The following ZNF609 variants were observed in gnomAD, a reference collection of about 807,000 sequenced individuals.
ZNF609 encodes zinc finger protein 609.
In ZNF609, 11 loss-of-function variants were observed where a neutral mutation model predicts 109.5. The observed-to-expected ratio is 0.10, with a 90% confidence interval of 0.06 to 0.17. The LOEUF (loss-of-function observed/expected upper bound fraction) is 0.17, where lower values mean the gene tolerates loss of function less well. ZNF609 is among the 10% of genes least tolerant of loss of function. ZNF609 has a pLI of 1.00. For missense variants in ZNF609, 1,559 were observed against 1,772.4 expected (o/e 0.88, Z 2.16); for synonymous variants, 646 against 662.0 (o/e 0.98, Z 0.37).
chr15:64,576,405 A>T (rs1194512533), intron 2 of ZNF609, among the ~76,000 whole-genome samples: 1 of 151,986 alleles, frequency 6.6e-6, no homozygotes, highest in Non-Finnish European at 1.5e-5. Context: ...TGTGCTTCTT[A>T]GTTATGATGT....
chr15:64,665,138 T>TC (rs1896628475), intron 3 of ZNF609, among the ~76,000 whole-genome samples: 2 of 152,230 alleles, frequency 1.3e-5, no homozygotes, highest in African/African-American at 4.8e-5. Context: ...CCATTTCCCT[T>TC]AAGATGCCAG....
At position 64,674,058 on chromosome 15, in the gene ZNF609, C is replaced by T. The variant is rs773627358; in HGVS notation, c.1204C>T (p.Arg402Trp). The change falls in exon 5 of 10, where the codon CGG (arginine) becomes TGG (tryptophan). Residue 402 changes from arginine to tryptophan, a missense_variant. Transcript: ENST00000326648. ...AGGGACCAGTAACAGCAGCAAAACC[C>T]GGGCAGGAGCCAATAGCAAAGGCCG... ...SKGTSNSSKTRAGANSKGRRG... is the reference protein window; with the variant it reads ...SKGTSNSSKTWAGANSKGRRG... 3.7e-6 allele frequency: 6 copies of T among 1,614,142 alleles called. No individual in the cohort carries two copies. Among genetic ancestry groups the T allele is most frequent in the East Asian group, 2.2e-5 (1 of 44,886 alleles).
chr15:64,529,628 C>G (rs1015345459), intron 2 of ZNF609: 3 of 942,648 alleles, frequency 3.2e-6, no homozygotes, highest in African/African-American at 1.6e-5. Context: ...CACCAGGCAC[C>G]CAGTACGACC....
rs528050185 is a variant in ZNF609 at position 64,560,205 on chromosome 15, C to T, written c.747+60039C>T. ...GGACTACAGGTGCATGCCACCACAC[C>T]TGGCTAATTTTTTTGTATTTTTAGT... On this transcript the variant is annotated intron_variant, in intron 2 of 9. Transcript: ENST00000326648. 3.3e-5 allele frequency among the ~76,000 whole-genome samples: 5 copies of T among 152,220 alleles called. No individual in the cohort carries two copies. In the East Asian group the frequency reaches 7.7e-4, roughly 24 times the overall value.
intron 2 of ZNF609, among the ~76,000 whole-genome samples, chr15:64,527,558 G>C (rs1268904784): frequency 6.6e-6 from 1 of 152,086 alleles, no homozygotes; most frequent in Non-Finnish European, 1.5e-5. Flanking sequence ...ATTTGACCAT[G>C]ATTTCCAGTT....
At chr15:64,580,658 C>T (rs1895085575) in intron 2 of ZNF609, among the ~76,000 whole-genome samples, 1 of 151,452 alleles carries the variant, frequency 6.6e-6, no homozygotes, top group South Asian at 2.1e-4. Context: ...TCTCCTGCCT[C>T]AGCCTCCCGA....
At chr15:64,482,531 T>C (rs1470806806) in intron 1 of ZNF609, among the ~76,000 whole-genome samples, 2 of 152,168 alleles carry the variant, frequency 1.3e-5, no homozygotes, top group Non-Finnish European at 2.9e-5. Context: ...GCATGGTTAC[T>C]ATACTAAGGA....
At chr15:64,481,986 T>C (rs1893261365) in intron 1 of ZNF609, among the ~76,000 whole-genome samples, 1 of 152,144 alleles carries the variant, frequency 6.6e-6, no homozygotes, top group Non-Finnish European at 1.5e-5. Context: ...GGTTTCACCA[T>C]GTTGATCAGG....
At chr15:64,495,437 A>T (rs775899163) in intron 1 of ZNF609, among the ~76,000 whole-genome samples, 1 of 152,162 alleles carries the variant, frequency 6.6e-6, no homozygotes, top group African/African-American at 2.4e-5. Flanking sequence ...TCTGTCGCCC[A>T]GTCTAGAGTA....
intron 3 of ZNF609, among the ~76,000 whole-genome samples, chr15:64,655,655 C>A (rs1406878544): frequency 6.6e-6 from 1 of 151,450 alleles, no homozygotes; most frequent in Non-Finnish European, 1.5e-5. Context: ...GGTGAAACCT[C>A]ATCTCTACTA....
Position 64,684,502 on chromosome 15 carries a change from A to G in ZNF609, c.*2816A>G, listed in dbSNP as rs2083230046. ...ATCAACTACTTCCTCATTTTAAGGT[A>G]TGGCAGTTCCCTTCATCCCCTTTTC... On this transcript the variant is annotated 3_prime_UTR_variant, in exon 10 of 10. Transcript: ENST00000326648. 1 of 152,288 alleles carries G rather than the reference A, an allele frequency of 6.6e-6. No homozygotes were observed. The highest frequency in any genetic ancestry group is 1.5e-5 in the Non-Finnish European group (1 of 68,084). 9.4% of individuals were successfully genotyped at this position (152,288 alleles called of 1,614,324 possible).
chr15:64,539,515 T>C (rs1052544407), intron 2 of ZNF609, among the ~76,000 whole-genome samples: 13 of 149,078 alleles, frequency 8.7e-5, no homozygotes, highest in South Asian at 2.1e-4. Context: ...CCAATTTTTT[T>C]ATTTTTGAGA....
chr15:64,529,651 T>C, intron 2 of ZNF609: 1 of 799,178 alleles, frequency 1.3e-6, no homozygotes, highest in Admixed American at 1.7e-5. Context: ...ATCTGTTGAC[T>C]CTGACCTTCA....
intron 2 of ZNF609, among the ~76,000 whole-genome samples, chr15:64,556,486 A>C (rs1171426548): frequency 6.6e-6 from 1 of 151,770 alleles, no homozygotes; most frequent in Non-Finnish European, 1.5e-5. Flanking sequence ...TATATATATT[A>C]GTTTATTTAA....
intron 2 of ZNF609, among the ~76,000 whole-genome samples, chr15:64,532,055 G>A (rs1894071221): frequency 6.6e-6 from 1 of 151,998 alleles, no homozygotes; most frequent in Non-Finnish European, 1.5e-5. Flanking sequence ...CTACTAGCAT[G>A]CCCCTCCAGC....
chr15:64,635,241 A>G (rs902954645), intron 3 of ZNF609, among the ~76,000 whole-genome samples: 2 of 152,214 alleles, frequency 1.3e-5, no homozygotes, highest in African/African-American at 4.8e-5. Context: ...TTTATATTTC[A>G]GTAACAAAAC....
chr15:64,499,791 C>T lies in ZNF609; in HGVS notation c.372C>T (p.Arg124=), dbSNP rs1310667409. 1.5e-5 allele frequency: 24 copies of T among 1,614,016 alleles called. No homozygotes were observed. The highest frequency in any genetic ancestry group is 1.9e-5 in the Non-Finnish European group (22 of 1,180,004). The change falls in exon 2 of 10, where the codon CGC becomes CGT. Residue 124 remains arginine, a synonymous_variant. Transcript: ENST00000326648. ...GAASKKEVQG[R]SGDGANAGGL... is the part of the protein sequence containing the mutation. Reference sequence around the variant, plus strand: ...CTAGCAAGAAAGAGGTGCAGGGGCGCTCAGGAGATGGTGCCAATGCTGGAG... The same window carrying T: ...CTAGCAAGAAAGAGGTGCAGGGGCGTTCAGGAGATGGTGCCAATGCTGGAG...
chr15:64,638,914 T>A (rs775644059), intron 3 of ZNF609, among the ~76,000 whole-genome samples: 13 of 151,738 alleles, frequency 8.6e-5, no homozygotes, highest in South Asian at 2.1e-4. Context: ...AAAATAAAAT[T>A]AAATTAAAAA....
intron 2 of ZNF609, among the ~76,000 whole-genome samples, chr15:64,563,784 C>T (rs1894727917): frequency 6.6e-6 from 1 of 151,348 alleles, no homozygotes; most frequent in Admixed American, 6.6e-5. Flanking sequence ...CAAAACAAAA[C>T]AAAACAAAAC....
Sources: gnomAD v4.1 joint callset for allele counts (sites outside exome capture counted in the v4.1 genomes callset) on GRCh38, gnomAD v4.1.1 for gene constraint, MANE v1.5 for transcripts, NCBI Gene and HGNC (gene_info 2026-07-23, HGNC 2026-07-21) for gene names.